Variants in DTNBP1 observed in about 807,000 individuals in gnomAD.
DTNBP1 encodes the protein dysbindin.
Under a neutral mutation model 42.8 loss-of-function variants are expected in DTNBP1, and 35 were observed. The ratio of observed to expected loss-of-function variants is 0.82; its 90% CI spans 0.63 to 1.09. The LOEUF is 1.09. DTNBP1 is among the 50% of genes least tolerant of loss of function. The probability of loss-of-function intolerance (pLI) is 0.00; values close to 1 mark genes in which losing one functional copy is unlikely to be tolerated. For missense variants in DTNBP1, 457 were observed against 424.2 expected (o/e 1.08, Z -0.68); for synonymous variants, 171 against 162.2 (o/e 1.05, Z -0.41).
intron 3 of DTNBP1, among the ~76,000 whole-genome samples, chr6:15,649,783 T>G (rs1760880194): frequency 6.6e-6 from 1 of 152,222 alleles, no homozygotes; most frequent in South Asian, 2.1e-4. Flanking sequence ...TGACACCGTC[T>G]TACGGATGTA....
intron 8 of DTNBP1, among the ~76,000 whole-genome samples, chr6:15,528,423 T>C (rs1283111360): frequency 6.6e-6 from 1 of 152,112 alleles, no homozygotes; most frequent in Non-Finnish European, 1.5e-5. Flanking sequence ...CTCCAGACAT[T>C]GCCAAATGTC....
intron 6 of DTNBP1, among the ~76,000 whole-genome samples, chr6:15,605,571 T>C (rs958167563): frequency 3.3e-5 from 5 of 152,228 alleles, no homozygotes; most frequent in African/African-American, 4.8e-5. Flanking sequence ...TTTTTTTCTT[T>C]ATAAATTTAT....
At chr6:15,540,669 T>C (rs879082766) in intron 7 of DTNBP1, among the ~76,000 whole-genome samples, 2 of 151,998 alleles carry the variant, frequency 1.3e-5, no homozygotes, top group African/African-American at 4.8e-5. Context: ...TGACATGGAG[T>C]CTTGCTCTGT....
At position 15,662,660 on chromosome 6, in the gene DTNBP1, G is replaced by A. The variant is rs9476887; in HGVS notation, c.56+154C>T. Among the ~76,000 whole-genome samples, 30,855 of 151,970 alleles carry A rather than the reference G, an allele frequency of 0.2. 4,280 individuals carry two copies. Among genetic ancestry groups the A allele is most frequent in the African/African-American group, 0.39 (16,140 of 41,404 alleles). On this transcript the variant is annotated intron_variant, in intron 1 of 9. Coordinates refer to ENST00000344537, the MANE Select transcript of DTNBP1 (RefSeq NM_032122.5). Reference sequence around the variant, plus strand: ...TTGCGCCGCCCGACGCGAGGACGCCGGGAAGTTCGTTACTTTCCTCGGCGG... The same window carrying A: ...TTGCGCCGCCCGACGCGAGGACGCCAGGAAGTTCGTTACTTTCCTCGGCGG...
Position 15,651,348 on chromosome 6 carries a change from C to T in DTNBP1, c.126G>A (p.Leu42=), listed in dbSNP as rs1760980774. ...VKSKPRTVPF[L]PKYSAGLELL... ...ATTCTAATCCAGCAGAGTACTTTGG[C>T]AAAAATGGAACAGTCCTGCCCAAAA... is the stretch of plus-strand genomic sequence containing the variant. The change falls in exon 3 of 10, where the codon TTG becomes TTA. Residue 42 remains leucine, a synonymous_variant. Transcript: ENST00000344537. 6.2e-7 allele frequency: 1 copy of T among 1,606,210 alleles called. No individual in the cohort carries two copies. Among genetic ancestry groups the T allele is most frequent in the Non-Finnish European group, 8.5e-7 (1 of 1,178,248 alleles).
intron 7 of DTNBP1, among the ~76,000 whole-genome samples, chr6:15,545,321 T>C (rs536496389): frequency 5.7e-4 from 87 of 152,356 alleles, no homozygotes; most frequent in Non-Finnish European, 8.7e-4. Flanking sequence ...AACAGACATA[T>C]TTATTTTATA....
chr6:15,651,276 C>T (rs985562410), intron 3 of DTNBP1, 37 bp downstream of exon 3: 2 of 1,594,568 alleles, frequency 1.3e-6, no homozygotes, highest in African/African-American at 2.7e-5. Context: ...GTAAAAAAGT[C>T]AGAAGTATAA....
At chr6:15,608,422 AT>A (rs199629716) in intron 6 of DTNBP1, among the ~76,000 whole-genome samples, 1 of 152,228 alleles carries the variant, frequency 6.6e-6, no homozygotes, top group Admixed American at 6.5e-5. Flanking sequence ...CATTAGCTTC[AT>A]TTTTTCCCCC....
At chr6:15,586,929 G>A (rs1050457341) in intron 7 of DTNBP1, among the ~76,000 whole-genome samples, 8 of 152,070 alleles carry the variant, frequency 5.3e-5, no homozygotes, top group Middle Eastern at 3.4e-3. Flanking sequence ...CTCTCTTCTC[G>A]TGCCTGTCTG....
chr6:15,523,884 A>G, intron 9 of DTNBP1: 1 of 1,287,270 alleles, frequency 7.8e-7, no homozygotes, highest in Non-Finnish European at 1.0e-6. Context: ...TGGTAATGGT[A>G]GAACCTTCTA....
chr6:15,618,741 A>C (rs1477989044), intron 5 of DTNBP1, among the ~76,000 whole-genome samples: 1 of 152,178 alleles, frequency 6.6e-6, no homozygotes, highest in Admixed American at 6.5e-5. Flanking sequence ...AGCCAAGGGA[A>C]AGGAAATCAG....
intron 1 of DTNBP1, chr6:15,660,406 C>T: frequency 3.9e-6 from 5 of 1,289,786 alleles, no homozygotes; most frequent in Non-Finnish European, 5.1e-6. Context: ...ACATCAGGCA[C>T]TAGAGGTCCG....
intron 7 of DTNBP1, among the ~76,000 whole-genome samples, chr6:15,577,456 G>A (rs139621367): frequency 6.6e-6 from 1 of 152,344 alleles, no homozygotes; most frequent in East Asian, 1.9e-4. Context: ...ACGGTGAGAG[G>A]CAGTTTGTGG....
chr6:15,627,289 G>A, intron 5 of DTNBP1, 54 bp downstream of exon 5: 1 of 1,603,312 alleles, frequency 6.2e-7, no homozygotes, highest in Non-Finnish European at 8.5e-7. Flanking sequence ...ACCAAACCCT[G>A]CCCAAGTTGT....
intron 6 of DTNBP1, among the ~76,000 whole-genome samples, chr6:15,597,951 T>C (rs1182268633): frequency 5.9e-5 from 9 of 152,256 alleles, no homozygotes; most frequent in Non-Finnish European, 1.3e-4. Flanking sequence ...AGTTTAATAG[T>C]ATTTTCAGAA....
intron 7 of DTNBP1, among the ~76,000 whole-genome samples, chr6:15,539,355 T>C (rs1336177658): frequency 6.6e-6 from 1 of 152,008 alleles, no homozygotes; most frequent in Non-Finnish European, 1.5e-5. Flanking sequence ...GTGGGAAGAG[T>C]TTCTTGTGCT....
At chr6:15,596,354 C>G (rs532845523) in intron 6 of DTNBP1, among the ~76,000 whole-genome samples, 1 of 152,310 alleles carries the variant, frequency 6.6e-6, no homozygotes, top group South Asian at 2.1e-4. Flanking sequence ...TTAACTCCTA[C>G]AGATTCCTAC....
chr6:15,635,834 A>G (rs1298985467), intron 4 of DTNBP1, among the ~76,000 whole-genome samples: 2 of 152,160 alleles, frequency 1.3e-5, no homozygotes, highest in Non-Finnish European at 2.9e-5. Context: ...TTGTAATTTC[A>G]ATGACTTTAA....
At chr6:15,525,960 A>G (rs990358879) in intron 8 of DTNBP1, among the ~76,000 whole-genome samples, 1 of 152,174 alleles carries the variant, frequency 6.6e-6, no homozygotes, top group East Asian at 1.9e-4. Flanking sequence ...TTTGAAGTTG[A>G]AGAACATCAA....
Sources: allele counts gnomAD v4.1 joint callset (sites outside exome capture counted in the v4.1 genomes callset), GRCh38; gene constraint gnomAD v4.1.1; transcripts MANE v1.5; gene names NCBI Gene and HGNC (gene_info 2026-07-23, HGNC 2026-07-21).